TSC22D3: variants seen among roughly 807,000 people sequenced by gnomAD.
TSC22D3 encodes the protein TSC22 domain family protein 3.
TSC22D3 carries 4 observed loss-of-function variants against 11.1 expected under a neutral mutation model. The observed-to-expected ratio is 0.36, with a 90% CI of 0.18 to 0.83. The LOEUF is 0.83. TSC22D3 is among the 40% of genes least tolerant of loss of function. TSC22D3 has a pLI of 0.48. For synonymous variants in TSC22D3, 77 were observed against 70.3 expected (o/e 1.10, Z -0.48); for missense variants, 118 against 159.4 (o/e 0.74, Z 1.40).
intron 1 of TSC22D3, among the ~76,000 whole-genome samples, chrX:107,740,127 A>T (rs185652804): frequency 1.8e-5 from 2 of 112,280 alleles, no homozygotes; most frequent in East Asian, 5.6e-4. Flanking sequence ...GAGGCAAAGT[A>T]ACTTACCCAA....
intron 1 of TSC22D3, among the ~76,000 whole-genome samples, chrX:107,726,685 G>A (rs185382491): frequency 1.6e-4 from 17 of 109,342 alleles, no homozygotes; most frequent in Non-Finnish European, 2.1e-4. Flanking sequence ...AGATGTCTTC[G>A]TACCACCAAG....
At chrX:107,727,338 T>G (rs1927688694) in intron 1 of TSC22D3, among the ~76,000 whole-genome samples, 1 of 112,116 alleles carries the variant, frequency 8.9e-6, no homozygotes, top group South Asian at 3.7e-4. Context: ...AGGCCAGAGT[T>G]CTTTTCCACC....
intron 1 of TSC22D3, among the ~76,000 whole-genome samples, chrX:107,748,138 G>C (rs189557789): frequency 3.8e-4 from 42 of 111,838 alleles, no homozygotes; most frequent in Non-Finnish European, 6.4e-4. Flanking sequence ...GGAGGGAGCT[G>C]TATGTAAATA....
intron 1 of TSC22D3, among the ~76,000 whole-genome samples, chrX:107,769,226 A>C (rs1929795969): frequency 8.9e-6 from 1 of 112,641 alleles, no homozygotes; most frequent in Non-Finnish European, 1.9e-5. Flanking sequence ...CATAATAGCC[A>C]AAAGAGGGCA....
At chrX:107,719,612 C>T (rs1422478149) in intron 1 of TSC22D3, among the ~76,000 whole-genome samples, 2 of 111,752 alleles carry the variant, frequency 1.8e-5, no homozygotes, top group African/African-American at 6.5e-5. Flanking sequence ...TCTTCCTGAC[C>T]CAGAGATCAA....
chrX:107,749,680 G>T (rs2147769455), intron 1 of TSC22D3, among the ~76,000 whole-genome samples: 1 of 111,658 alleles, frequency 9.0e-6, no homozygotes, highest in Admixed American at 9.4e-5. Context: ...GATGGGCATG[G>T]GGTCCCACTG....
chrX:107,727,189 C>T (rs1468473757), intron 1 of TSC22D3, among the ~76,000 whole-genome samples: 2 of 112,302 alleles, frequency 1.8e-5, no homozygotes, highest in Non-Finnish European at 3.8e-5. Context: ...TGATACTGAG[C>T]TCTCAGACAG....
chrX:107,750,678 C>T, intron 1 of TSC22D3, among the ~76,000 whole-genome samples: 1 of 110,997 alleles, frequency 9.0e-6, no homozygotes, highest in East Asian at 2.8e-4. Flanking sequence ...CCCAAGCAGG[C>T]TCAGCAACAG....
intron 1 of TSC22D3, among the ~76,000 whole-genome samples, chrX:107,718,631 C>T (rs1927177809): frequency 1.8e-5 from 2 of 113,079 alleles, no homozygotes; most frequent in African/African-American, 6.4e-5. Flanking sequence ...CACTGAACAG[C>T]CAACATTTTT....
chrX:107,732,002 G>A (rs892081152), intron 1 of TSC22D3, among the ~76,000 whole-genome samples: 1 of 111,322 alleles, frequency 9.0e-6, no homozygotes, highest in African/African-American at 3.3e-5. Flanking sequence ...GGCTGAGGTA[G>A]GGAAAAGTGC....
At chrX:107,774,983 C>A in intron 1 of TSC22D3, 117 bp downstream of exon 1, 1 of 864,533 alleles carries the variant, frequency 1.2e-6, no homozygotes, top group South Asian at 2.3e-5. Context: ...TAGCCTGAGT[C>A]AGACCTCCCC....
chrX:107,716,855 T>C, intron 1 of TSC22D3: 1 of 1,194,319 alleles, frequency 8.4e-7, no homozygotes, highest in Non-Finnish European at 1.1e-6. Context: ...CGTGCGGGGC[T>C]GGGCGGCTGG....
chrX:107,732,636 G>T (rs768301706), intron 1 of TSC22D3, among the ~76,000 whole-genome samples: 3 of 111,577 alleles, frequency 2.7e-5, no homozygotes, highest in Non-Finnish European at 5.7e-5. Context: ...TTAAGTATTA[G>T]TGAGTTGGGA....
chrX:107,757,592 G>T (rs1254531323), intron 1 of TSC22D3, among the ~76,000 whole-genome samples: 1 of 111,537 alleles, frequency 9.0e-6, no homozygotes, highest in African/African-American at 3.3e-5. Context: ...TTTGGTGAGG[G>T]CTGTGGCACA....
intron 1 of TSC22D3, chrX:107,721,926 C>CTTCTCGCT (rs1923329459): frequency 2.0e-6 from 1 of 505,456 alleles, no homozygotes; most frequent in Admixed American, 2.7e-5. Flanking sequence ...TTTGTCCTTG[C>CTTCTCGCT]TTCTCGCTTA....
In TSC22D3 at chrX:107,713,724, C is replaced by T. The variant is rs1359243143; in HGVS notation, c.*795G>A. 2.7e-5 allele frequency: 3 copies of T among 111,738 alleles called. No homozygotes were observed. The highest frequency in any genetic ancestry group is 3.8e-5 in the Non-Finnish European group (2 of 53,148). 9.2% of individuals were successfully genotyped at this position (111,738 alleles called of 1,213,427 possible). A position where few individuals can be genotyped will look rare whatever the true frequency, so the allele number is the denominator to read the frequency against. ...TAACCTAAAAGACAAACTGGGTCAA[C>T]TTGGTAAATGAACACAGTCAAAGAC... On this transcript the variant is annotated 3_prime_UTR_variant, in exon 3 of 3. Transcript: ENST00000372383.
intron 1 of TSC22D3, chrX:107,721,727 A>T (rs1927337945): frequency 3.1e-6 from 1 of 318,486 alleles, no homozygotes; most frequent in Admixed American, 5.7e-5. Flanking sequence ...TGGAAAAGGA[A>T]ATACAAAAAG....
chrX:107,716,531 C>A (rs904812937), intron 1 of TSC22D3: 8 of 980,380 alleles, frequency 8.2e-6, no homozygotes, highest in Non-Finnish European at 8.9e-6. Context: ...GGCGGTGACC[C>A]CCCCCTTCCT....
chrX:107,716,237 G>C (rs1239878030), intron 1 of TSC22D3: 12 of 913,678 alleles, frequency 1.3e-5, no homozygotes, highest in Non-Finnish European at 1.7e-5. Context: ...TGGCCTGCTC[G>C]GGCAATATGC....
Sources: allele counts gnomAD v4.1 joint callset (sites outside exome capture counted in the v4.1 genomes callset), GRCh38; gene constraint gnomAD v4.1.1; transcripts MANE v1.5; gene names NCBI Gene and HGNC (gene_info 2026-07-23, HGNC 2026-07-21).